The following CTU2 variants were observed in gnomAD, a reference collection of about 807,000 sequenced individuals.
CTU2 encodes cytoplasmic tRNA 2-thiolation protein 2.
CTU2 carries 80 observed loss-of-function variants against 64.1 expected under a neutral mutation model. The observed-to-expected ratio is 1.25, with a 90% confidence interval of 1.04 to 1.50. CTU2 has a LOEUF of 1.50. Ranked by LOEUF, CTU2 falls within the 40% of genes most tolerant of loss-of-function variation. CTU2 has a pLI of 0.00. For missense variants in CTU2, 1,110 were observed against 690.2 expected (o/e 1.61, Z -6.81); for synonymous variants, 482 against 285.3 (o/e 1.69, Z -6.95).
At chr16:88,714,269 G>A (rs2142733717) in intron 10 of CTU2, 42 bp downstream of exon 10, 2 of 1,596,872 alleles carry the variant, frequency 1.3e-6, no homozygotes, top group Non-Finnish European at 1.7e-6. Flanking sequence ...GCGCGGGTGT[G>A]TGCTGTGCGC....
At position 88,707,351 on chromosome 16, in the gene CTU2, C is replaced by T. The variant is rs1486538926; in HGVS notation, c.143+141C>T. 5.0e-6 allele frequency: 4 copies of T among 803,422 alleles called. No homozygotes were observed. The African/African-American group carries it at 5.1e-5, about 10-fold the overall frequency. 49.8% of individuals were successfully genotyped at this position (803,422 alleles called of 1,614,324 possible). A position where few individuals can be genotyped will look rare whatever the true frequency, so the allele number is the denominator to read the frequency against. On this transcript the variant is annotated intron_variant, in intron 2 of 14. Transcript: ENST00000453996. ...TGCTCCTGATGGGGTCCCTCGTGCC[C>T]CTGGTGTTGAAGTGGAGGCGAAAGC...
chr16:88,714,540 TG>T, intron 11 of CTU2, 46 bp from the exon 12 acceptor site: 2 of 1,612,466 alleles, frequency 1.2e-6, no homozygotes, highest in Non-Finnish European at 1.7e-6. Flanking sequence ...GGAGTGGGTG[TG>T]GGGGCTCAGC....
At chr16:88,706,956 C>G (rs1197401503) in intron 1 of CTU2, 180 bp from the exon 2 acceptor site, 2 of 642,482 alleles carry the variant, frequency 3.1e-6, no homozygotes, top group Middle Eastern at 8.0e-4. Context: ...AAACATCCCC[C>G]CAGAGCCTTT....
intron 3 of CTU2, 97 bp from the exon 4 acceptor site, chr16:88,710,126 C>T: frequency 3.2e-6 from 5 of 1,578,228 alleles, no homozygotes; most frequent in Non-Finnish European, 4.4e-6. Context: ...TCCTCCTTGG[C>T]CTTTGAGGAC....
At chr16:88,708,390 G>C (rs1235609251) in intron 2 of CTU2, among the ~76,000 whole-genome samples, 1 of 152,194 alleles carries the variant, frequency 6.6e-6, no homozygotes, top group African/African-American at 2.4e-5. Flanking sequence ...GGACAGCGTG[G>C]TTTCAGGAGC....
intron 5 of CTU2, 28 bp from the exon 6 acceptor site, chr16:88,712,246 C>T (rs942852034): frequency 1.3e-6 from 2 of 1,563,884 alleles, no homozygotes; most frequent in African/African-American, 1.4e-5. Context: ...CTCTCTGAGC[C>T]CTGACTCTTT....
chr16:88,710,480 C>T (rs554076036), intron 4 of CTU2, 198 bp downstream of exon 4: 33 of 589,774 alleles, frequency 5.6e-5, no homozygotes, highest in Middle Eastern at 4.5e-4. Flanking sequence ...GTGTGTGCGG[C>T]CCACTCTCAG....
intron 1 of CTU2, 30 bp from the exon 2 acceptor site, chr16:88,707,106 T>C (rs772318777): frequency 1.2e-6 from 2 of 1,608,108 alleles, no homozygotes; most frequent in South Asian, 2.2e-5. Flanking sequence ...GATCTGTGTT[T>C]CTCTCTTCTC....
rs1443802324 is a variant in CTU2, at chr16:88,713,453, CAG to C, written c.873+7_873+8del. The C allele has an allele frequency of 8.9e-6, 14 of 1,573,762 alleles. No homozygotes were observed. On this transcript the variant is annotated splice_region_variant and intron_variant, in intron 8 of 14. Coordinates refer to ENST00000453996, the MANE Select transcript of CTU2 (RefSeq NM_001012759.3). The stretch of plus-strand genomic sequence containing the variant: ...CCTTCCTGGCCTGGGATACGGTAGG[CAG>C]GGGCCTGGGTGTTCAGGAGGCCCAT...
intron 9 of CTU2, among the ~76,000 whole-genome samples, 168 bp downstream of exon 9, chr16:88,713,946 G>A (rs1911615881): frequency 6.6e-6 from 1 of 152,240 alleles, no homozygotes; most frequent in Non-Finnish European, 1.5e-5. Context: ...TGAGGGTGTG[G>A]GGGTGACAGG....
Position 88,715,054 on chromosome 16 carries a change from CTG to C in CTU2, c.1427_1428del (p.Leu476ArgfsTer10), listed in dbSNP as rs1567654294. The C allele has an allele frequency of 3.2e-6, 5 of 1,572,830 alleles. No homozygotes were observed. The Admixed American group carries it at 8.7e-5, about 27-fold the overall frequency. ...CRVNMKDLPS[L>X]DPLPPYILAE... ...ACACCGGCCTCTGTTGCAGCCCTCA[CTG>C]GACCCCCTGCCGCCGTACATCCTGG... On this transcript the variant is annotated frameshift_variant, in exon 14 of 15. Transcript: ENST00000453996. LOFTEE classifies it high-confidence loss of function.
intron 13 of CTU2, 43 bp downstream of exon 13, chr16:88,714,969 G>C (rs752186101): frequency 2.5e-6 from 4 of 1,589,324 alleles, no homozygotes; most frequent in Admixed American, 1.7e-5. Context: ...TTGGGGACGC[G>C]GGAAGGCCGT....
intron 5 of CTU2, 62 bp from the exon 6 acceptor site, chr16:88,712,212 C>A: frequency 7.1e-7 from 1 of 1,416,248 alleles, no homozygotes; most frequent in Non-Finnish European, 9.8e-7. Flanking sequence ...TGGAGGTGGC[C>A]CTGCAGCCTG....
Position 88,714,442 on chromosome 16 carries a change from C to T in CTU2, c.1157C>T (p.Pro386Leu). Residue 386 changes from proline to leucine, a missense_variant, in exon 11 of 15, where the codon CCC becomes CTC. Transcript: ENST00000453996. ...RDGPAAGDSG[P>L]RCLLCMCALD... ...GGCCCTGCTGCTGGCGACTCCGGCC[C>T]CCGCTGCCTCCTCTGCATGTGTGCC... 1 of 1,612,574 alleles carries T rather than the reference C, an allele frequency of 6.2e-7. No homozygotes were observed. The highest frequency in any genetic ancestry group is 8.5e-7 in the Non-Finnish European group (1 of 1,179,842).
intron 4 of CTU2, 27 bp from the exon 5 acceptor site, chr16:88,711,608 C>T (rs779141222): frequency 3.2e-6 from 5 of 1,577,106 alleles, no homozygotes; most frequent in African/African-American, 1.4e-5. Flanking sequence ...TGGCTGGGGG[C>T]TGAGTCCCTG....
chr16:88,714,226 AGG>A lies in CTU2; in HGVS notation c.1097_1097+1del. ...CCCCTCCACTGTCAGCACTGTGTAC[AGG>A]TGTGGGTGTGTGTGGGTGTGTGCGG... On this transcript the variant is annotated splice_donor_variant and coding_sequence_variant, in exon 10 of 15. Transcript: ENST00000453996. LOFTEE classifies it high-confidence loss of function. The A allele has an allele frequency of 1.9e-6, 3 of 1,597,562 alleles. No individual in the cohort carries two copies. The highest frequency in any genetic ancestry group is 2.6e-6 in the Non-Finnish European group (3 of 1,168,890).
At chr16:88,713,527 G>C in intron 8 of CTU2, 80 bp downstream of exon 8, 1 of 1,494,142 alleles carries the variant, frequency 6.7e-7, no homozygotes, top group South Asian at 1.3e-5. Context: ...GTAGCCTCTC[G>C]CGTATCAGTC....
At chr16:88,713,567 G>T in intron 8 of CTU2, 80 bp from the exon 9 acceptor site, 2 of 1,567,764 alleles carry the variant, frequency 1.3e-6, no homozygotes, top group East Asian at 2.3e-5. Flanking sequence ...TGGGGTCTGT[G>T]ACCTCCCCTA....
intron 2 of CTU2, 142 bp downstream of exon 2, chr16:88,707,352 C>T (rs1910954763): frequency 1.2e-6 from 1 of 802,922 alleles, no homozygotes; most frequent in Non-Finnish European, 2.1e-6. Flanking sequence ...CCTCGTGCCC[C>T]TGGTGTTGAA....
Sources: allele counts gnomAD v4.1 joint callset (sites outside exome capture counted in the v4.1 genomes callset), GRCh38; gene constraint gnomAD v4.1.1; transcripts MANE v1.5; gene names NCBI Gene and HGNC (gene_info 2026-07-23, HGNC 2026-07-21).